The following DCC variants were observed in gnomAD, a reference collection of about 807,000 sequenced individuals.
The protein encoded by DCC is netrin receptor DCC.
Under a neutral mutation model 172.5 loss-of-function variants are expected in DCC, and 58 were observed. The observed-to-expected ratio is 0.34, with a 90% CI of 0.27 to 0.42. DCC has a LOEUF of 0.42. Among genes scored for constraint, DCC ranks in the 10% least tolerant of loss-of-function variants. DCC has a pLI of 1.00. For synonymous variants in DCC, 709 were observed against 644.5 expected (o/e 1.10, Z -1.52); for missense variants, 1,740 against 1,791.0 (o/e 0.97, Z 0.51).
Position 52,511,260 on chromosome 18 carries a change from G to A in DCC, c.91+170382G>A, listed in dbSNP as rs563829905. On this transcript the variant is annotated intron_variant, in intron 1 of 28. Coordinates refer to ENST00000442544, the MANE Select transcript of DCC (RefSeq NM_005215.4). ...GGCCCCACTGCACTCCAGCCTGGGC[G>A]ACAGGGCAAGACTCTGTCTCAAAAA... Among the ~76,000 whole-genome samples, 610 of 125,240 alleles carry A rather than the reference G, an allele frequency of 4.9e-3. 5 individuals carry two copies. Among genetic ancestry groups the A allele is most frequent in the Non-Finnish European group, 7.6e-3 (475 of 62,602 alleles). 82.2% of individuals were successfully genotyped at this position (125,240 alleles called of 152,430 possible). A position where few individuals can be genotyped will look rare whatever the true frequency, so the allele number is the denominator to read the frequency against.
At chr18:52,777,903 G>T (rs991582174) in intron 2 of DCC, among the ~76,000 whole-genome samples, 10 of 152,104 alleles carry the variant, frequency 6.6e-5, no homozygotes, top group African/African-American at 2.4e-4. Context: ...GGAAAGGAGA[G>T]CTAAAAGCAG....
intron 1 of DCC, among the ~76,000 whole-genome samples, chr18:52,418,575 G>T (rs568711820): frequency 1.3e-5 from 2 of 152,274 alleles, no homozygotes; most frequent in East Asian, 1.9e-4. Context: ...CCCAGGTTTT[G>T]GTTAGGGGAG....
At chr18:52,442,315 T>C (rs1294273920) in intron 1 of DCC, among the ~76,000 whole-genome samples, 1 of 152,184 alleles carries the variant, frequency 6.6e-6, no homozygotes, top group Non-Finnish European at 1.5e-5. Flanking sequence ...CAGCTCATAC[T>C]TGTTGATTAT....
intron 8 of DCC, among the ~76,000 whole-genome samples, chr18:53,166,469 A>G (rs1426866359): frequency 6.6e-6 from 1 of 152,160 alleles, no homozygotes; most frequent in Non-Finnish European, 1.5e-5. Flanking sequence ...CCAAGAAAAC[A>G]GAATGATAAA....
At chr18:53,446,056 G>A (rs1452938664) in intron 22 of DCC, among the ~76,000 whole-genome samples, 2 of 126,152 alleles carry the variant, frequency 1.6e-5, no homozygotes, top group Non-Finnish European at 3.1e-5. Flanking sequence ...GAGGCCAGGA[G>A]TTTGAGACCA....
Position 53,526,694 on chromosome 18 carries a change from G to A in DCC, c.4189G>A (p.Val1397Met). The change falls in exon 28 of 29, where the codon GTG becomes ATG. Residue 1397 changes from valine to methionine, a missense_variant. By Grantham distance (21) the Val-to-Met change is conservative. This residue lies in a region of DCC where 1,732 missense variants were observed against 1,767.4 expected (regional missense o/e 0.98). Coordinates refer to ENST00000442544, the MANE Select transcript of DCC (RefSeq NM_005215.4). ...AAAAGCAAGATCCCCTTTGCTTCCT[G>A]TGTCTGTGCCAACAGCCCCTGAAGT... ...AGKARSPLLP[V>M]SVPTAPEVSE... The A allele has an allele frequency of 6.2e-7, 1 of 1,613,540 alleles. No homozygotes were observed. The highest frequency in any genetic ancestry group is 8.5e-7 in the Non-Finnish European group (1 of 1,179,690).
At chr18:53,247,061 G>C (rs532395088) in intron 12 of DCC, among the ~76,000 whole-genome samples, 3 of 152,164 alleles carry the variant, frequency 2.0e-5, no homozygotes, top group Admixed American at 6.6e-5. Context: ...TCAGAGAATA[G>C]AGCATTACAC....
chr18:53,081,531 A>G (rs943638105), intron 7 of DCC, among the ~76,000 whole-genome samples: 26 of 151,976 alleles, frequency 1.7e-4, no homozygotes, highest in Non-Finnish European at 3.1e-4. Context: ...GAAAAAAAAA[A>G]AGACCTCCTC....
chr18:52,678,224 G>A (rs555479450), intron 1 of DCC, among the ~76,000 whole-genome samples: 26 of 152,052 alleles, frequency 1.7e-4, no homozygotes, highest in Admixed American at 7.2e-4. Flanking sequence ...CAAGGTTAAC[G>A]TTAAGAAACA....
intron 12 of DCC, among the ~76,000 whole-genome samples, chr18:53,229,689 G>T (rs1449094051): frequency 6.6e-6 from 1 of 151,980 alleles, no homozygotes; most frequent in Non-Finnish European, 1.5e-5. Flanking sequence ...CTTACTTCTA[G>T]AGAAGGGCGG....
At chr18:52,862,553 C>T (rs1439153937) in intron 2 of DCC, among the ~76,000 whole-genome samples, 1 of 151,922 alleles carries the variant, frequency 6.6e-6, no homozygotes, top group Non-Finnish European at 1.5e-5. Context: ...CAAAAATTAG[C>T]CGGGCATGGT....
chr18:53,225,981 A>G (rs1420088331), intron 12 of DCC, among the ~76,000 whole-genome samples: 4 of 152,192 alleles, frequency 2.6e-5, no homozygotes, highest in Non-Finnish European at 2.9e-5. Context: ...CATGGGGCAG[A>G]GTGGTGATGG....
intron 27 of DCC, among the ~76,000 whole-genome samples, chr18:53,508,115 G>A (rs568245732): frequency 1.3e-5 from 2 of 151,842 alleles, no homozygotes; most frequent in East Asian, 1.9e-4. Context: ...GGATGGTCTC[G>A]ATCTCCTGAC....
intron 1 of DCC, among the ~76,000 whole-genome samples, chr18:52,575,036 G>C (rs569903025): frequency 2.4e-4 from 36 of 152,082 alleles, no homozygotes; most frequent in Admixed American, 2.2e-3. Context: ...CATCTGCCTC[G>C]TGGGGTTTTT....
At chr18:52,850,222 G>T (rs563080009) in intron 2 of DCC, among the ~76,000 whole-genome samples, 1 of 152,188 alleles carries the variant, frequency 6.6e-6, no homozygotes, top group African/African-American at 2.4e-5. Flanking sequence ...GGAATAATCA[G>T]TCAAAATTTG....
intron 1 of DCC, among the ~76,000 whole-genome samples, chr18:52,496,478 G>A (rs777081619): frequency 1.3e-5 from 2 of 152,082 alleles, no homozygotes; most frequent in Non-Finnish European, 2.9e-5. Context: ...AAAATGCCAG[G>A]TTTTACTTTT....
At chr18:53,330,813 C>T (rs1029496133) in intron 14 of DCC, among the ~76,000 whole-genome samples, 1 of 152,214 alleles carries the variant, frequency 6.6e-6, no homozygotes, top group East Asian at 1.9e-4. Context: ...AGGAAGCTTT[C>T]TCTTATCTGA....
At chr18:53,053,802 AT>A (rs2042366350) in intron 5 of DCC, among the ~76,000 whole-genome samples, 1 of 152,188 alleles carries the variant, frequency 6.6e-6, no homozygotes, top group African/African-American at 2.4e-5. Context: ...AACAACACAC[AT>A]GATTTAACAC....
intron 2 of DCC, chr18:52,809,406 G>C (rs1000220630): frequency 1.9e-5 from 3 of 157,300 alleles, no homozygotes; most frequent in African/African-American, 4.9e-5. Context: ...CCAAGGAATG[G>C]AAACTTGGGC....
Sources: allele counts gnomAD v4.1 joint callset (sites outside exome capture counted in the v4.1 genomes callset), GRCh38; gene constraint gnomAD v4.1.1; regional missense constraint gnomAD v4.1.1; transcripts MANE v1.5; gene names NCBI Gene and HGNC (gene_info 2026-07-23, HGNC 2026-07-21).